RGS6: variants seen among roughly 807,000 people sequenced by gnomAD.
RGS6 encodes the protein regulator of G-protein signaling 6.
A neutral mutation model predicts 78.5 loss-of-function variants in RGS6; 30 were observed. The ratio of observed to expected loss-of-function variants is 0.38; its 90% CI spans 0.29 to 0.52. The LOEUF (loss-of-function observed/expected upper bound fraction) is 0.52, where lower values mean the gene tolerates loss of function less well. Among genes scored for constraint, RGS6 ranks in the 20% least tolerant of loss-of-function variants. The probability of loss-of-function intolerance (pLI) is 0.85; values close to 1 mark genes in which losing one functional copy is unlikely to be tolerated. For missense variants in RGS6, 495 were observed against 609.7 expected (o/e 0.81, Z 1.98); for synonymous variants, 206 against 206.0 (o/e 1.00, Z 0.00).
At chr14:72,080,950 G>A (rs752208853) in intron 2 of RGS6, among the ~76,000 whole-genome samples, 3 of 152,106 alleles carry the variant, frequency 2.0e-5, no homozygotes, top group Non-Finnish European at 4.4e-5. Flanking sequence ...ATCAGGTAGT[G>A]TGATGTCTCC....
intron 2 of RGS6, among the ~76,000 whole-genome samples, chr14:72,313,647 T>C (rs2069232732): frequency 6.6e-6 from 1 of 152,186 alleles, no homozygotes; most frequent in South Asian, 2.1e-4. Context: ...GAGCCTCCCA[T>C]CTCTATGTCT....
At chr14:72,370,740 C>T (rs1185780346) in intron 3 of RGS6, among the ~76,000 whole-genome samples, 1 of 152,204 alleles carries the variant, frequency 6.6e-6, no homozygotes, top group Non-Finnish European at 1.5e-5. Flanking sequence ...TAACATCAAT[C>T]ATGGTAACAT....
intron 2 of RGS6, among the ~76,000 whole-genome samples, chr14:72,317,754 T>C (rs2070725254): frequency 6.6e-6 from 1 of 152,188 alleles, no homozygotes; most frequent in Non-Finnish European, 1.5e-5. Context: ...AAAGAAGCTC[T>C]TCCCAGTTTC....
At chr14:72,573,023 C>T in the RGS6 span, among the ~76,000 whole-genome samples, 1 of 152,058 alleles carries the variant, frequency 6.6e-6, no homozygotes, top group African/African-American at 2.4e-5. Flanking sequence ...AGGGCTGGTC[C>T]TTAGAGAAAG....
At chr14:72,413,018 G>A (rs1318800758) in intron 3 of RGS6, among the ~76,000 whole-genome samples, 7 of 152,224 alleles carry the variant, frequency 4.6e-5, no homozygotes, top group Non-Finnish European at 7.3e-5. Flanking sequence ...TAGGTGTGGT[G>A]TGGTGCTGAA....
At chr14:72,378,193 C>T (rs996981991) in intron 3 of RGS6, among the ~76,000 whole-genome samples, 10 of 152,024 alleles carry the variant, frequency 6.6e-5, no homozygotes, top group South Asian at 2.1e-4. Context: ...CCAAAACGTA[C>T]GGGACACAGC....
the RGS6 span, among the ~76,000 whole-genome samples, chr14:72,608,439 A>T: frequency 0.052 from 7,945 of 151,934 alleles, 734 homozygotes; most frequent in African/African-American, 0.18. Flanking sequence ...AGGGCAGCCA[A>T]CTCACTGCCT....
chr14:71,894,906 A>G, the RGS6 span, among the ~76,000 whole-genome samples: 42 of 152,128 alleles, frequency 2.8e-4, 1 homozygote, highest in East Asian at 6.2e-3. Context: ...CTGGGATTAC[A>G]GGCACGAGCC....
intron 2 of RGS6, among the ~76,000 whole-genome samples, chr14:71,989,227 G>C (rs2094850589): frequency 6.6e-6 from 1 of 152,222 alleles, no homozygotes; most frequent in Non-Finnish European, 1.5e-5. Context: ...AGCTTACACT[G>C]GGTAAACCCA....
At chr14:72,269,502 A>G (rs571340005) in intron 2 of RGS6, among the ~76,000 whole-genome samples, 3 of 151,586 alleles carry the variant, frequency 2.0e-5, no homozygotes, top group East Asian at 1.9e-4. Context: ...AGGAGACTGC[A>G]TGATTGAGAC....
chr14:72,624,604 G>T, the RGS6 span, among the ~76,000 whole-genome samples: 4 of 152,168 alleles, frequency 2.6e-5, no homozygotes, highest in Admixed American at 6.5e-5. Context: ...CTCCCAAAGT[G>T]CTGGGATTAC....
At chr14:72,068,939 C>A (rs2094295552) in intron 2 of RGS6, among the ~76,000 whole-genome samples, 1 of 151,518 alleles carries the variant, frequency 6.6e-6, no homozygotes, top group African/African-American at 2.4e-5. Flanking sequence ...CTCTTTTATA[C>A]TTTCTGTTTA....
In RGS6 at chr14:72,566,009, A is replaced by T. The variant is rs2097708599; in HGVS notation, c.*3542A>T. On this transcript the variant is annotated 3_prime_UTR_variant, in exon 18 of 18. Coordinates refer to ENST00000553525, the MANE Select transcript of RGS6 (RefSeq NM_001204424.2). ...CACCAGCCTCAAAAAGGAGCTGCCC[A>T]AGTTGAATATGTAGCAAAGACCATG... 6.6e-6 allele frequency: 1 copy of T among 152,216 alleles called. No individual in the cohort carries two copies. Among genetic ancestry groups the T allele is most frequent in the Non-Finnish European group, 1.5e-5 (1 of 68,066 alleles). The allele number at this position is 152,216 out of a possible 1,614,324, so 9.4% of individuals were successfully genotyped here.
At chr14:72,263,648 G>T (rs1439496940) in intron 2 of RGS6, among the ~76,000 whole-genome samples, 1 of 152,174 alleles carries the variant, frequency 6.6e-6, no homozygotes, top group Non-Finnish European at 1.5e-5. Context: ...TATCAAAGAG[G>T]CTTGAGAGAG....
At chr14:72,629,784 C>T in the RGS6 span, 4 of 1,342,294 alleles carry the variant, frequency 3.0e-6, no homozygotes, top group Non-Finnish European at 3.1e-6. Context: ...TATGAACTGC[C>T]ACCCCTCAAC....
At chr14:71,996,091 A>T (rs558739078) in intron 2 of RGS6, among the ~76,000 whole-genome samples, 1 of 151,848 alleles carries the variant, frequency 6.6e-6, no homozygotes, top group Non-Finnish European at 1.5e-5. Flanking sequence ...GCAGGCAAGA[A>T]GGGCTGCTGA....
the RGS6 span, among the ~76,000 whole-genome samples, chr14:71,876,762 T>C: frequency 6.6e-6 from 1 of 152,120 alleles, no homozygotes; most frequent in Admixed American, 6.5e-5. Flanking sequence ...TGCAGTTTCT[T>C]CCTAGCCTCG....
At chr14:71,952,033 A>T (rs924407201) in intron 1 of RGS6, among the ~76,000 whole-genome samples, 2 of 152,178 alleles carry the variant, frequency 1.3e-5, no homozygotes, top group African/African-American at 4.8e-5. Flanking sequence ...ATAAATTATT[A>T]TGAATTTCCA....
chr14:72,471,786 G>A (rs1474975242), intron 8 of RGS6, among the ~76,000 whole-genome samples: 1 of 152,254 alleles, frequency 6.6e-6, no homozygotes, highest in Non-Finnish European at 1.5e-5. Context: ...GCAGGTGGGA[G>A]AGTAGGTAGG....
Sources: gnomAD v4.1 joint callset for allele counts (sites outside exome capture counted in the v4.1 genomes callset) on GRCh38, gnomAD v4.1.1 for gene constraint, MANE v1.5 for transcripts, NCBI Gene and HGNC (gene_info 2026-07-23, HGNC 2026-07-21) for gene names.